Variants in SLC26A5 observed in about 807,000 individuals in gnomAD.
SLC26A5 encodes solute carrier family 26 member 5.
In SLC26A5, 51 loss-of-function variants were observed where a neutral mutation model predicts 81.0. The ratio of observed to expected loss-of-function variants is 0.63; its 90% CI spans 0.50 to 0.80. The LOEUF (loss-of-function observed/expected upper bound fraction) is 0.80. SLC26A5 is among the 30% of genes least tolerant of loss of function. The probability of loss-of-function intolerance (pLI) is 0.00; values close to 1 mark genes in which losing one functional copy is unlikely to be tolerated. For missense variants in SLC26A5, 771 were observed against 905.8 expected, an observed-to-expected ratio of 0.85 and a Z score of 1.91; for synonymous variants, 325 against 332.8, an observed-to-expected ratio of 0.98 and a Z score of 0.25.
At chr7:103,374,004 A>G (rs1338774620), downstream of SLC26A5, among the ~76,000 whole-genome samples, 1 of 152,220 alleles carries the variant, frequency 6.6e-6, no homozygotes, top group Admixed American at 6.5e-5. Flanking sequence ...GATTATAGAC[A>G]GTCTGTAGAC....
chr7:103,415,250 C>T (rs113021141), intron 4 of SLC26A5, among the ~76,000 whole-genome samples: 3,666 of 152,312 alleles, frequency 0.024, 65 homozygotes, highest in Non-Finnish European at 0.037. Context: ...GAAATGTATG[C>T]ATACGATTTA....
chr7:103,439,676 G>A (rs543029462), intron 2 of SLC26A5, among the ~76,000 whole-genome samples: 146 of 152,286 alleles, frequency 9.6e-4, no homozygotes, highest in African/African-American at 3.3e-3. Flanking sequence ...TGGGATTACA[G>A]GCATGCGCAA....
Position 103,411,401 on chromosome 7 carries a change from C to T in SLC26A5, c.570+19G>A. The T allele has an allele frequency of 6.2e-7, 1 of 1,613,884 alleles. No homozygotes were observed. The highest frequency in any genetic ancestry group is 1.3e-5 in the African/African-American group (1 of 75,026). On this transcript the variant is annotated intron_variant, in intron 6 of 19. Transcript: ENST00000306312. The stretch of plus-strand genomic sequence containing the variant: ...GGTTAACAAACGAGACAGTCCATTT[C>T]CCCATCTTTGAGCCTTACCTGAATG...
intron 2 of SLC26A5, among the ~76,000 whole-genome samples, chr7:103,421,994 G>A (rs905556770): frequency 6.6e-6 from 1 of 152,156 alleles, no homozygotes; most frequent in Admixed American, 6.5e-5. Context: ...CTATATTTAT[G>A]GTTGATTACT....
chr7:103,389,431 C>T lies in SLC26A5; in HGVS notation c.1312-7G>A. The T allele has an allele frequency of 6.2e-7, 1 of 1,604,150 alleles. No homozygotes were observed. On this transcript the variant is annotated splice_polypyrimidine_tract_variant and splice_region_variant and intron_variant, in intron 12 of 19. Transcript: ENST00000306312. ...CAATGGCCGACAGCACAGCCTGAAA[C>T]AGAGCACATCCCCCATGCCTCTCCT... is the stretch of plus-strand genomic sequence containing the variant.
intron 2 of SLC26A5, among the ~76,000 whole-genome samples, chr7:103,434,668 T>C (rs1826322171): frequency 6.9e-6 from 1 of 144,928 alleles, no homozygotes; most frequent in East Asian, 2.1e-4. Flanking sequence ...TATTTATTTA[T>C]TGAGACAAAG....
chr7:103,420,433 C>G (rs1403509998), intron 4 of SLC26A5, among the ~76,000 whole-genome samples: 1 of 151,542 alleles, frequency 6.6e-6, no homozygotes, highest in Non-Finnish European at 1.5e-5. Context: ...GTAGCTGAGA[C>G]TACAGGCATG....
chr7:103,384,630 C>T (rs1030007138), intron 14 of SLC26A5, among the ~76,000 whole-genome samples: 4 of 151,892 alleles, frequency 2.6e-5, no homozygotes, highest in African/African-American at 9.7e-5. Context: ...AAAAAAAGTG[C>T]TGATTTGTCA....
At chr7:103,406,256 C>T (rs1586304019) in intron 8 of SLC26A5, among the ~76,000 whole-genome samples, 1 of 152,176 alleles carries the variant, frequency 6.6e-6, no homozygotes. Flanking sequence ...AGCTCAGTGT[C>T]TGCCCAAATA....
chr7:103,385,702 CTT>C (rs1179157860), intron 14 of SLC26A5, among the ~76,000 whole-genome samples: 41 of 122,582 alleles, frequency 3.3e-4, no homozygotes, highest in Admixed American at 4.5e-4. Context: ...CTTTTCTTTT[CTT>C]TTTTTTTTTT....
Position 103,391,493 on chromosome 7 carries a change from C to G in SLC26A5, c.1233+129G>C, listed in dbSNP as rs889419902. 4.0e-6 allele frequency: 3 copies of G among 754,968 alleles called. No homozygotes were observed. The African/African-American group carries it at 5.2e-5, about 13-fold the overall frequency. The allele number at this position is 754,968 out of a possible 1,614,324, so 46.8% of individuals were successfully genotyped here. On this transcript the variant is annotated intron_variant, in intron 11 of 19. Transcript: ENST00000306312. ...AACCAATCATGCCTTTCTCTGATTC[C>G]CTACACAGCTCACTGGAGCATGGAT...
At chr7:103,412,712 G>A (rs1418152372) in intron 5 of SLC26A5, among the ~76,000 whole-genome samples, 1 of 151,804 alleles carries the variant, frequency 6.6e-6, no homozygotes, top group African/African-American at 2.4e-5. Context: ...ACCAAGCCTG[G>A]CAAATTTTTG....
At chr7:103,431,996 A>C (rs1267620428) in intron 2 of SLC26A5, among the ~76,000 whole-genome samples, 1 of 152,150 alleles carries the variant, frequency 6.6e-6, no homozygotes, top group Non-Finnish European at 1.5e-5. Context: ...GTTCACTGCA[A>C]CTTCCACTTC....
chr7:103,416,995 C>G (rs1586338937), intron 4 of SLC26A5, among the ~76,000 whole-genome samples: 1 of 152,034 alleles, frequency 6.6e-6, no homozygotes, highest in Admixed American at 6.6e-5. Context: ...CAGAAAAATA[C>G]CTTTCCAATG....
intron 1 of SLC26A5, among the ~76,000 whole-genome samples, chr7:103,443,713 C>T (rs956264377): frequency 6.6e-6 from 1 of 152,220 alleles, no homozygotes; most frequent in African/African-American, 2.4e-5. Flanking sequence ...AGAATACTTA[C>T]TCAAGGGGCC....
In SLC26A5 at chr7:103,377,524, CCA is replaced by C; in HGVS notation, c.1986+73_1986+74del. 2 of 1,360,670 alleles carry C rather than the reference CCA, an allele frequency of 1.5e-6. 1 individual carries two copies. Among genetic ancestry groups the C allele is most frequent in the South Asian group, 2.4e-5 (2 of 84,900 alleles). The allele number at this position is 1,360,670 out of a possible 1,614,324, so 84.3% of individuals were successfully genotyped here. Reference sequence around the variant, plus strand: ...TCTTTTGTTGAAAAGAGAGCCTAGCCCACCTCCCTGATTATGCTGATAGTACG... The same window carrying C: ...TCTTTTGTTGAAAAGAGAGCCTAGCCCCTCCCTGATTATGCTGATAGTACG... On this transcript the variant is annotated intron_variant, in intron 18 of 19. Transcript: ENST00000306312.
At chr7:103,404,262 G>A (rs750301103) in intron 8 of SLC26A5, among the ~76,000 whole-genome samples, 1 of 152,108 alleles carries the variant, frequency 6.6e-6, no homozygotes, top group East Asian at 1.9e-4. Context: ...ATTAGTTGAT[G>A]CAGTTTCTTC....
At chr7:103,418,530 C>T (rs1282401608) in intron 4 of SLC26A5, among the ~76,000 whole-genome samples, 1 of 152,074 alleles carries the variant, frequency 6.6e-6, no homozygotes, top group Non-Finnish European at 1.5e-5. Context: ...TGAATCTGTC[C>T]CTTTCTCTGT....
At chr7:103,379,511 A>C (rs1821620686) in intron 15 of SLC26A5, among the ~76,000 whole-genome samples, 176 bp from the exon 16 acceptor site, 2 of 151,876 alleles carry the variant, frequency 1.3e-5, no homozygotes, top group Admixed American at 1.3e-4. Context: ...TAAGAAAAGA[A>C]AAAAAAAGTC....
Sources: allele counts gnomAD v4.1 joint callset (sites outside exome capture counted in the v4.1 genomes callset), GRCh38; gene constraint gnomAD v4.1.1; transcripts MANE v1.5; gene names NCBI Gene and HGNC (gene_info 2026-07-23, HGNC 2026-07-21).